Variants in MYBBP1A observed in about 807,000 individuals in gnomAD.
MYBBP1A encodes the protein myb-binding protein 1A.
In MYBBP1A, 147 loss-of-function variants were observed where a neutral mutation model predicts 136.3. The observed-to-expected ratio is 1.08, with a 90% CI of 0.94 to 1.24. The LOEUF is 1.24. Ranked by LOEUF, MYBBP1A falls within the 50% of genes most tolerant of loss-of-function variation. The probability of loss-of-function intolerance (pLI) is 0.00; values close to 1 mark genes in which losing one functional copy is unlikely to be tolerated. For missense variants in MYBBP1A, 2,060 were observed against 1,727.4 expected, an observed-to-expected ratio of 1.19 and a Z score of -3.41; for synonymous variants, 947 against 735.8, an observed-to-expected ratio of 1.29 and a Z score of -4.65.
At chr17:4,541,991 G>A in intron 22 of MYBBP1A, 100 bp from the exon 23 acceptor site, 1 of 855,464 alleles carries the variant, frequency 1.2e-6, no homozygotes, top group Non-Finnish European at 1.8e-6. Context: ...CACTGCTGTG[G>A]GCAGCGTGTG....
intron 24 of MYBBP1A, 60 bp downstream of exon 24, chr17:4,541,403 G>A: frequency 6.9e-7 from 1 of 1,454,024 alleles, no homozygotes; most frequent in Non-Finnish European, 9.6e-7. Flanking sequence ...TGCTGGCCGG[G>A]AGGCCCCAAG....
At position 4,540,404 on chromosome 17, in the gene MYBBP1A, GGT is replaced by G; in HGVS notation, c.3376_3377del (p.Thr1126ArgfsTer41). ...AGAGGTCGTGCAGGCGGCTGGAGCC[GGT>G]GGAGTGTGCCCCCTGCTGTAGGCTC... ...QQSLQQGAHSTGSSRLHDLYW... is the reference protein window; with the variant it reads ...QQSLQQGAHSXGSSRLHDLYW... On this transcript the variant is annotated frameshift_variant, in exon 25 of 26. Coordinates refer to ENST00000254718, the MANE Select transcript of MYBBP1A (RefSeq NM_014520.4). LOFTEE classifies it high-confidence loss of function. 6.2e-7 allele frequency: 1 copy of G among 1,610,582 alleles called. No homozygotes were observed. Among genetic ancestry groups the G allele is most frequent in the Non-Finnish European group, 8.5e-7 (1 of 1,179,776 alleles).
intron 24 of MYBBP1A, 42 bp from the exon 25 acceptor site, chr17:4,540,526 C>T (rs564293281): frequency 1.2e-5 from 18 of 1,547,692 alleles, no homozygotes; most frequent in Admixed American, 3.7e-5. Context: ...CCACAGAGGG[C>T]GGGGCCTCTC....
In MYBBP1A at chr17:4,539,458, C is replaced by G; in HGVS notation, c.3944G>C (p.Gly1315Ala). The change falls in exon 26 of 26, where the codon GGG becomes GCG. Residue 1315 changes from glycine (G) to alanine (A), a missense_variant. By Grantham distance (60) the Gly-to-Ala change is moderately conservative. Transcript: ENST00000254718. Reference protein sequence around the residue: ...VIRSPSLLQSGAKKKAQVRKA... With the variant: ...VIRSPSLLQSAAKKKAQVRKA... ...CCTCACCTGTGCTTTCTTCTTGGCC[C>G]CACTCTGAAGCAGGCTGGGACTCCT... 6.2e-7 allele frequency: 1 copy of G among 1,614,118 alleles called. No individual in the cohort carries two copies. The highest frequency in any genetic ancestry group is 8.5e-7 in the Non-Finnish European group (1 of 1,179,994).
chr17:4,555,087 G>A lies in MYBBP1A; in HGVS notation c.198+40C>T, dbSNP rs1207485473. On this transcript the variant is annotated intron_variant, in intron 1 of 25. Transcript: ENST00000254718. The stretch of plus-strand genomic sequence containing the variant: ...CTGGGCCCGCCGCCGCTTCCTTGCC[G>A]GGATATGCGCAGCCTCTGCCCCAGA... The A allele has an allele frequency of 5.1e-6, 8 of 1,563,988 alleles. No homozygotes were observed. In the Admixed American group the frequency reaches 7.5e-5, roughly 15 times the overall value.
rs1567616174 is a variant in MYBBP1A, at chr17:4,555,170, G to GC, written c.154dup (p.Ala52GlyfsTer53). 1 of 1,602,664 alleles carries GC rather than the reference G, an allele frequency of 6.2e-7. No individual in the cohort carries two copies. Among genetic ancestry groups the GC allele is most frequent in the South Asian group, 1.1e-5 (1 of 89,514 alleles). On this transcript the variant is annotated frameshift_variant, in exon 1 of 26. Coordinates refer to ENST00000254718, the MANE Select transcript of MYBBP1A (RefSeq NM_014520.4). LOFTEE classifies it high-confidence loss of function. ...ATACTCCAGCAGCTTCTCCGTGGCC[G>GC]CAAGTCGCGTCTCCTGCTCAGGCTT...
chr17:4,555,211 G>A lies in MYBBP1A; in HGVS notation c.114C>T (p.Phe38=), dbSNP rs1209974804. ...GCTCAGGCTTCGCAATGTCCCAGAA[G>A]AAGTCCAAGAACTCGCGACTGTGCT... ...LLKHSREFLD[F]FWDIAKPEQE... The change falls in exon 1 of 26, where the codon TTC becomes TTT. Residue 38 remains phenylalanine (F), a synonymous_variant. Transcript: ENST00000254718. The A allele has an allele frequency of 1.2e-6, 2 of 1,611,424 alleles. No homozygotes were observed. The highest frequency in any genetic ancestry group is 1.7e-6 in the Non-Finnish European group (2 of 1,179,226).
In MYBBP1A at chr17:4,539,361, AAT is replaced by A; in HGVS notation, c.*52_*53del. On this transcript the variant is annotated 3_prime_UTR_variant, in exon 26 of 26. Coordinates refer to ENST00000254718, the MANE Select transcript of MYBBP1A (RefSeq NM_014520.4). ...TCATGGTTTAAAAAAAAAAAAAAAA[AAT>A]AGGCGTCTCAGGCAGATGGAGGCAG... 7.3e-6 allele frequency: 11 copies of A among 1,504,890 alleles called. No homozygotes were observed. The highest frequency in any genetic ancestry group is 4.6e-5 in the Admixed American group (2 of 43,384). The allele number at this position is 1,504,890 out of a possible 1,614,324, so 93.2% of individuals were successfully genotyped here.
rs767409469 is a variant in MYBBP1A, at chr17:4,548,170, G to C, written c.1697C>G (p.Thr566Ser). The change falls in exon 12 of 26, where the codon ACT (threonine) becomes AGT (serine). Residue 566 changes from threonine to serine, a missense_variant. Transcript: ENST00000254718. The surrounding 1 kb of genome is among the most constrained non-coding windows in gnomAD (Gnocchi z 4.2). ...SHNVTTVTPF[T>S]AQQRQAWDRM... The stretch of plus-strand genomic sequence containing the variant: ...GTCCCAGGCCTGGCGCTGCTGCGCA[G>C]TGAAGGGTGTCACGGTGGTCACGTT... 2 of 1,605,394 alleles carry C rather than the reference G, an allele frequency of 1.2e-6. No individual in the cohort carries two copies. The highest frequency in any genetic ancestry group is 2.2e-5 in the East Asian group (1 of 44,894).
chr17:4,539,418 G>A lies in MYBBP1A; in HGVS notation c.3984C>T (p.Pro1328=), dbSNP rs747989869. Reference sequence around the variant, plus strand: ...TGAGGGGGGCCCGTACCTGTGCTCAGGGCTTCCCTGCCTTCCTCACCTGTG... The same window carrying A: ...TGAGGGGGGCCCGTACCTGTGCTCAAGGCTTCCCTGCCTTCCTCACCTGTG... ...KKAQVRKAGK[P] Residue 1328 remains proline, a synonymous_variant, in exon 26 of 26, where the codon CCC becomes CCT. Coordinates refer to ENST00000254718, the MANE Select transcript of MYBBP1A (RefSeq NM_014520.4). 4 of 1,609,024 alleles carry A rather than the reference G, an allele frequency of 2.5e-6. No homozygotes were observed. The highest frequency in any genetic ancestry group is 3.4e-6 in the Non-Finnish European group (4 of 1,176,326).
chr17:4,544,552 C>A lies in MYBBP1A; in HGVS notation c.2576G>T (p.Ser859Ile), dbSNP rs867184195. The A allele has an allele frequency of 6.4e-7, 1 of 1,561,774 alleles. No individual in the cohort carries two copies. Residue 859 changes from serine to isoleucine, a missense_variant, in exon 19 of 26, where the codon AGC becomes ATC. Coordinates refer to ENST00000254718, the MANE Select transcript of MYBBP1A (RefSeq NM_014520.4). ...LEPLLSIIRR[S>I]LRSSSSKQEQ... ...CTGTTTGGAGCTGCTGCTGCGCAGG[C>A]TGCGCCGGATGATGCTCAGCAGCGG...
At position 4,545,988 on chromosome 17, in the gene MYBBP1A, G is replaced by A. The variant is rs370375777; in HGVS notation, c.1825-46C>T. ...ACACTGGGGCCAGGCCCTGTCCCCA[G>A]CCCTTCTAAACCAGGCAAGGGGCTG... On this transcript the variant is annotated intron_variant, in intron 13 of 25. Transcript: ENST00000254718. 10 of 1,573,538 alleles carry A rather than the reference G, an allele frequency of 6.4e-6. No individual in the cohort carries two copies. In the Admixed American group the frequency reaches 7.0e-5, roughly 11 times the overall value.
At chr17:4,541,980 G>T in intron 22 of MYBBP1A, 89 bp from the exon 23 acceptor site, 1 of 967,680 alleles carries the variant, frequency 1.0e-6, no homozygotes, top group Non-Finnish European at 1.6e-6. Flanking sequence ...GGCCCGCTGG[G>T]CACTGCTGTG....
Position 4,539,128 on chromosome 17 carries a change from A to C in MYBBP1A, c.*287T>G, listed in dbSNP as rs1385415519. The C allele has an allele frequency of 6.7e-7, 1 of 1,491,410 alleles. No individual in the cohort carries two copies. Among genetic ancestry groups the C allele is most frequent in the East Asian group, 2.4e-5 (1 of 41,906 alleles). The allele number at this position is 1,491,410 out of a possible 1,614,324, so 92.4% of individuals were successfully genotyped here. On this transcript the variant is annotated 3_prime_UTR_variant, in exon 26 of 26. Coordinates refer to ENST00000254718, the MANE Select transcript of MYBBP1A (RefSeq NM_014520.4). ...ACACCTGCCTGCAGCCAGCACATCA[A>C]CCTGCACCAACCCAGGCAAACACCA...
rs766224320 is a variant in MYBBP1A at position 4,554,890 on chromosome 17, G to A, written c.265C>T (p.Arg89Trp). 3 of 1,613,564 alleles carry A rather than the reference G, an allele frequency of 1.9e-6. No homozygotes were observed. The highest frequency in any genetic ancestry group is 1.7e-5 in the Admixed American group (1 of 60,022). The change falls in exon 2 of 26, where the codon CGG becomes TGG. Residue 89 changes from arginine (R) to tryptophan (W), a missense_variant. By Grantham distance (101) the Arg-to-Trp change is moderately radical. Transcript: ENST00000254718. ...GCCAGGGCCAAACTGTAGCAGGGCC[G>A]GGCTGTTTCTCGCCCGACCCCGAGT... ...TGLGVGRETARPCYSLALAQL... is the reference protein window; with the variant it reads ...TGLGVGRETAWPCYSLALAQL...
chr17:4,539,059 A>C lies in MYBBP1A; in HGVS notation c.*356T>G. ...CACCCCCTGGTGGCTCCCTCACAGC[A>C]AAAAAGCCTGGGGGCAAAGAGGTGG... On this transcript the variant is annotated 3_prime_UTR_variant, in exon 26 of 26. Transcript: ENST00000254718. The C allele has an allele frequency of 1.6e-6, 2 of 1,237,388 alleles. No homozygotes were observed. The highest frequency in any genetic ancestry group is 2.4e-6 in the Non-Finnish European group (2 of 843,424). The allele number at this position is 1,237,388 out of a possible 1,614,324, so 76.7% of individuals were successfully genotyped here. A position where few individuals can be genotyped will look rare whatever the true frequency, so the allele number is the denominator to read the frequency against.
intron 19 of MYBBP1A, 40 bp from the exon 20 acceptor site, chr17:4,543,205 G>C (rs565202325): frequency 6.4e-7 from 1 of 1,557,242 alleles, no homozygotes; most frequent in Non-Finnish European, 8.7e-7. Context: ...GAACATTCTC[G>C]GTCCACCCTG....
Position 4,540,126 on chromosome 17 carries a change from AGGCCCCT to A in MYBBP1A, c.3435-166_3435-160del, listed in dbSNP as rs150192138. On this transcript the variant is annotated intron_variant, in intron 25 of 25. Transcript: ENST00000254718. ...GTGAGGGTCCTATGAGGGTCCTGCG[AGGCCCCT>A]GGGTCCTGCGAGGGTCCTGCGAGGC... Among the ~76,000 whole-genome samples, 1,303 of 151,116 alleles carry A rather than the reference AGGCCCCT, an allele frequency of 8.6e-3. 14 individuals carry two copies. Among genetic ancestry groups the A allele is most frequent in the African/African-American group, 0.029 (1,180 of 41,000 alleles).
intron 22 of MYBBP1A, 94 bp downstream of exon 22, chr17:4,542,370 G>T (rs1239418308): frequency 2.1e-6 from 3 of 1,396,130 alleles, no homozygotes; most frequent in South Asian, 1.3e-5. Context: ...TGCTCACCAG[G>T]ACAGCGCTCT....
Sources: gnomAD v4.1 joint callset for allele counts (sites outside exome capture counted in the v4.1 genomes callset) on GRCh38, gnomAD v4.1.1 for gene constraint, Gnocchi (gnomAD v3.1) non-coding constraint, MANE v1.5 for transcripts, NCBI Gene and HGNC (gene_info 2026-07-23, HGNC 2026-07-21) for gene names.